Variants in DDX3X observed in about 807,000 individuals in gnomAD.
The protein encoded by DDX3X is ATP-dependent RNA helicase DDX3X.
DDX3X carries 4 observed loss-of-function variants against 52.7 expected under a neutral mutation model. The ratio of observed to expected loss-of-function variants is 0.08; its 90% CI spans 0.04 to 0.17. DDX3X has a LOEUF of 0.17. Ranked by LOEUF, DDX3X falls within the 10% of genes least tolerant of loss-of-function variation. DDX3X has a pLI of 1.00. For synonymous variants in DDX3X, 192 were observed against 178.1 expected, an observed-to-expected ratio of 1.08 and a Z score of -0.62; for missense variants, 222 against 548.6, an observed-to-expected ratio of 0.40 and a Z score of 5.95.
downstream of DDX3X, among the ~76,000 whole-genome samples, chrX:41,352,374 CCTAT>C (rs1348982113): frequency 8.9e-6 from 1 of 111,796 alleles, no homozygotes; most frequent in East Asian, 2.8e-4. Flanking sequence ...AGAAGTACCT[CCTAT>C]CTTTCGCTGG....
rs370857397 is a variant in DDX3X, at chrX:41,347,033, A to G, written c.1769+21A>G. 9.2e-4 allele frequency: 1,086 copies of G among 1,176,290 alleles called. 1 individual carries two copies. Among genetic ancestry groups the G allele is most frequent in the Non-Finnish European group, 1.2e-3 (1,011 of 871,598 alleles). On this transcript the variant is annotated intron_variant, in intron 15 of 16. Transcript: ENST00000644876. ...AAGAGGTGAGGTATAAATAGTATAT[A>G]ATGAGGGGAATGGGTGTTCACTTAC... is the stretch of plus-strand genomic sequence containing the variant.
chrX:41,353,805 T>TACACAC (rs751213463), downstream of DDX3X, among the ~76,000 whole-genome samples: 428 of 101,622 alleles, frequency 4.2e-3, 5 homozygotes, highest in African/African-American at 0.014. Flanking sequence ...TACACACGCA[T>TACACAC]ACACACACAC....
At chrX:41,363,930 G>A (rs746827451) in intron 5 of DDX3X, among the ~76,000 whole-genome samples, 1 of 111,897 alleles carries the variant, frequency 8.9e-6, no homozygotes, top group East Asian at 2.8e-4. Flanking sequence ...CTGCCTCATT[G>A]TTTCTGAGCA....
At chrX:41,345,871 C>G (rs1412366262) in intron 12 of DDX3X, 1 of 248,132 alleles carries the variant, frequency 4.0e-6, no homozygotes, top group Admixed American at 6.3e-5. Flanking sequence ...CACCACTGCA[C>G]CCAGCTAAAA....
chrX:41,351,686 C>T (rs1462269654), downstream of DDX3X: 1 of 111,161 alleles, frequency 9.0e-6, no homozygotes, highest in Non-Finnish European at 1.9e-5. Flanking sequence ...TGCTTCATGT[C>T]CTCATTTCAG....
At chrX:41,334,716 T>G in intron 1 of DDX3X, 2 of 990,804 alleles carry the variant, frequency 2.0e-6, no homozygotes, top group Non-Finnish European at 1.3e-6. Flanking sequence ...GCAGCCTGGA[T>G]TCCCGTCCGG....
Position 41,344,261 on chromosome X carries a change from G to A in DDX3X, c.887G>A (p.Arg296His). The A allele has an allele frequency of 8.3e-7, 1 of 1,211,222 alleles. No individual in the cohort carries two copies. The highest frequency in any genetic ancestry group is 1.1e-6 in the Non-Finnish European group (1 of 895,369). The change falls in exon 10 of 17, where the codon CGT becomes CAT. Residue 296 changes from arginine to histidine, a missense_variant. This residue lies in a region of DDX3X where 73 missense variants were observed against 301.4 expected (regional missense o/e 0.24). Coordinates refer to ENST00000644876, the MANE Select transcript of DDX3X (RefSeq NM_001356.5). ...TAGTTTTCATACCGATCTAGAGTTCGTCCTTGCGTGGTTTATGGTGGTGCC... is the reference window on the plus strand; with the variant it reads ...TAGTTTTCATACCGATCTAGAGTTCATCCTTGCGTGGTTTATGGTGGTGCC... ...ARKFSYRSRV[R>H]PCVVYGGADI...
chrX:41,343,121 G>A, intron 6 of DDX3X, 95 bp from the exon 7 acceptor site: 4 of 984,450 alleles, frequency 4.1e-6, no homozygotes, highest in Non-Finnish European at 4.2e-6. Flanking sequence ...TATAAACTGA[G>A]TTACCAATCA....
downstream of DDX3X, chrX:41,351,155 G>A (rs1446920726): frequency 9.0e-6 from 1 of 111,616 alleles, no homozygotes; most frequent in East Asian, 2.8e-4. Flanking sequence ...GTGACTCATG[G>A]AGTGAAACGA....
At chrX:41,340,699 T>C (rs2063837770) in intron 3 of DDX3X, 5 of 292,150 alleles carry the variant, frequency 1.7e-5, no homozygotes, top group Non-Finnish European at 2.4e-5. Context: ...CAATTTGACA[T>C]TAGTGTTCTT....
chrX:41,338,078 T>TA (rs977020556), intron 2 of DDX3X: 7 of 111,615 alleles, frequency 6.3e-5, no homozygotes, highest in African/African-American at 1.6e-4. Context: ...TCATTTCTTT[T>TA]AAAAAGGCAT....
intron 2 of DDX3X, chrX:41,338,066 T>C (rs2063796855): frequency 9.0e-6 from 1 of 111,615 alleles, no homozygotes; most frequent in South Asian, 3.8e-4. Context: ...TTTTCAAATG[T>C]GTCATTTCTT....
chrX:41,344,811 A>G (rs1276130565), intron 10 of DDX3X, among the ~76,000 whole-genome samples: 2 of 111,991 alleles, frequency 1.8e-5, no homozygotes, highest in African/African-American at 3.2e-5. Context: ...TGATGTTAAC[A>G]TTGTCTAAAT....
intron 4 of DDX3X, chrX:41,342,175 T>A (rs1364342551): frequency 1.0e-5 from 2 of 198,339 alleles, no homozygotes; most frequent in African/African-American, 5.9e-5. Context: ...TACCATTAAA[T>A]ATATTTGGAT....
chrX:41,346,722 A>G (rs2063930320), intron 14 of DDX3X, 100 bp downstream of exon 14: 5 of 945,876 alleles, frequency 5.3e-6, no homozygotes, highest in African/African-American at 3.9e-5. Flanking sequence ...AATGAAAGTG[A>G]CAAAGATTTT....
rs143157550 is a variant in DDX3X at position 41,349,741 on chromosome X, A to G, written c.*2022A>G. 2.3e-3 allele frequency: 256 copies of G among 111,777 alleles called. 1 individual carries two copies. Among genetic ancestry groups the G allele is most frequent in the African/African-American group, 7.8e-3 (241 of 30,720 alleles). 9.2% of individuals were successfully genotyped at this position (111,777 alleles called of 1,213,427 possible). A position where few individuals can be genotyped will look rare whatever the true frequency, so the allele number is the denominator to read the frequency against. ...ACCCGGCGTTGGCAGTGTAGCCATAACTTTCTGATGTTAGTAAAAACAAAA... is the reference window on the plus strand; with the variant it reads ...ACCCGGCGTTGGCAGTGTAGCCATAGCTTTCTGATGTTAGTAAAAACAAAA... On this transcript the variant is annotated 3_prime_UTR_variant, in exon 17 of 17. Transcript: ENST00000644876.
At chrX:41,335,265 T>C (rs777548296) in intron 1 of DDX3X, 1 of 111,034 alleles carries the variant, frequency 9.0e-6, no homozygotes, top group African/African-American at 3.3e-5. Context: ...CATCGCGGGT[T>C]GTGGTAGTGT....
At chrX:41,335,095 A>T (rs1174791373) in intron 1 of DDX3X, 6 of 109,623 alleles carry the variant, frequency 5.5e-5, no homozygotes, top group African/African-American at 2.1e-4. Context: ...GAGGGGAGGC[A>T]GGAATTGGCC....
Position 41,342,336 on chromosome X carries a change from C to G in DDX3X, c.285-159C>G, listed in dbSNP as rs771353418. The G allele has an allele frequency of 9.4e-4, 482 of 513,660 alleles. 1 individual carries two copies. Among genetic ancestry groups the G allele is most frequent in the South Asian group, 2.9e-3 (73 of 25,574 alleles). 42.3% of individuals were successfully genotyped at this position (513,660 alleles called of 1,213,427 possible). A position where few individuals can be genotyped will look rare whatever the true frequency, so the allele number is the denominator to read the frequency against. The stretch of plus-strand genomic sequence containing the variant: ...AGAAAACGAGGTTATGTAAATGATG[C>G]TGGTTAGAGAGCCTTATTTGTCAAG... On this transcript the variant is annotated intron_variant, in intron 4 of 16. Transcript: ENST00000644876.
Sources: gnomAD v4.1 joint callset for allele counts (sites outside exome capture counted in the v4.1 genomes callset) on GRCh38, gnomAD v4.1.1 for gene constraint, gnomAD v4.1.1 regional missense constraint, MANE v1.5 for transcripts, NCBI Gene and HGNC (gene_info 2026-07-23, HGNC 2026-07-21) for gene names.